Variants in COL5A2 observed in about 807,000 individuals in gnomAD.
COL5A2 encodes the protein collagen type V alpha 2 chain.
In COL5A2, 23 loss-of-function variants were observed where a neutral mutation model predicts 208.2. The ratio of observed to expected loss-of-function variants is 0.11; its 90% CI spans 0.08 to 0.16. The LOEUF (loss-of-function observed/expected upper bound fraction) is 0.16, where lower values mean the gene tolerates loss of function less well. Ranked by LOEUF, COL5A2 falls within the 10% of genes least tolerant of loss-of-function variation. The pLI, the probability that COL5A2 is intolerant of heterozygous loss-of-function variation, is 1.00. For missense variants in COL5A2, 1,590 were observed against 1,956.4 expected, an observed-to-expected ratio of 0.81 and a Z score of 3.53; for synonymous variants, 625 against 628.5, an observed-to-expected ratio of 0.99 and a Z score of 0.08.
intron 12 of COL5A2, among the ~76,000 whole-genome samples, chr2:189,083,745 T>C (rs533798905): frequency 2.6e-5 from 4 of 152,270 alleles, no homozygotes; most frequent in Admixed American, 2.6e-4. Flanking sequence ...ATTCATGTTA[T>C]GTTCAATATA....
chr2:189,374,398 C>A, the COL5A2 span, among the ~76,000 whole-genome samples: 1 of 151,276 alleles, frequency 6.6e-6, no homozygotes. Context: ...TTTGAGATCA[C>A]TATTAACAAC....
intron 1 of COL5A2, among the ~76,000 whole-genome samples, chr2:189,147,083 A>T (rs1041146519): frequency 5.9e-5 from 9 of 152,210 alleles, no homozygotes; most frequent in Admixed American, 3.3e-4. Context: ...AAATTGTATT[A>T]TTGGGGTAAT....
At chr2:189,301,373 T>C in the COL5A2 span, among the ~76,000 whole-genome samples, 1 of 152,212 alleles carries the variant, frequency 6.6e-6, no homozygotes. Flanking sequence ...TAAAATAATG[T>C]ATTATCTGCT....
At chr2:189,097,637 T>C in intron 5 of COL5A2, 1 of 550,276 alleles carries the variant, frequency 1.8e-6, no homozygotes, top group Non-Finnish European at 3.5e-6. Context: ...ATATTTGCTG[T>C]CTTCTCCCAG....
chr2:189,150,934 G>A lies in COL5A2; in HGVS notation c.97+28574C>T, dbSNP rs114741479. On this transcript the variant is annotated intron_variant, in intron 1 of 53. Transcript: ENST00000374866. ...CCATTGTATTCTCAGTTAGGTCAAA[G>A]GTTAAAAAAGATTTTCCACAGGGAA... Among the ~76,000 whole-genome samples, 926 of 152,142 alleles carry A rather than the reference G, an allele frequency of 6.1e-3. 13 individuals carry two copies. Among genetic ancestry groups the A allele is most frequent in the African/African-American group, 0.02 (816 of 41,526 alleles).
the COL5A2 span, among the ~76,000 whole-genome samples, chr2:189,422,002 G>T: frequency 6.6e-6 from 1 of 152,120 alleles, no homozygotes; most frequent in Non-Finnish European, 1.5e-5. Context: ...CAGATGATCT[G>T]CCCAGAATCT....
At chr2:189,110,634 T>C (rs1208945660) in intron 1 of COL5A2, among the ~76,000 whole-genome samples, 185 bp from the exon 2 acceptor site, 1 of 152,198 alleles carries the variant, frequency 6.6e-6, no homozygotes, top group Non-Finnish European at 1.5e-5. Flanking sequence ...GAAATAATGA[T>C]AATGTATCCT....
At chr2:189,164,238 C>T (rs1249332228) in intron 1 of COL5A2, among the ~76,000 whole-genome samples, 1 of 152,148 alleles carries the variant, frequency 6.6e-6, no homozygotes, top group Non-Finnish European at 1.5e-5. Flanking sequence ...GACAAGCTTC[C>T]TGATGCGAGA....
chr2:189,133,114 C>CTTTTTTT (rs751457732), intron 1 of COL5A2: 4 of 63,428 alleles, frequency 6.3e-5, no homozygotes, highest in African/African-American at 1.5e-4. Flanking sequence ...CCAAGTACGA[C>CTTTTTTT]TTTTTTTTTT....
upstream of COL5A2, among the ~76,000 whole-genome samples, chr2:189,181,506 G>C (rs541989498): frequency 6.6e-6 from 1 of 151,972 alleles, no homozygotes; most frequent in East Asian, 1.9e-4. Context: ...AGTAAATGTG[G>C]GGGGGAGGAA....
intron 6 of COL5A2, chr2:189,096,292 T>C (rs1406341966): frequency 1.3e-5 from 2 of 152,130 alleles, no homozygotes; most frequent in East Asian, 3.9e-4. Flanking sequence ...CAAACAAAAT[T>C]TTCTAATTGA....
At chr2:189,373,220 T>C in the COL5A2 span, among the ~76,000 whole-genome samples, 3 of 152,136 alleles carry the variant, frequency 2.0e-5, no homozygotes, top group Non-Finnish European at 4.4e-5. Context: ...ATATGACTCT[T>C]GTAATTTTTA....
At chr2:189,163,589 C>T (rs1440759439) in intron 1 of COL5A2, among the ~76,000 whole-genome samples, 1 of 152,240 alleles carries the variant, frequency 6.6e-6, no homozygotes, top group East Asian at 1.9e-4. Flanking sequence ...TATTTAGGGA[C>T]ATAACTACAA....
chr2:189,060,810 T>G (rs1686012358), intron 30 of COL5A2, 27 bp from the exon 31 acceptor site: 2 of 1,588,612 alleles, frequency 1.3e-6, no homozygotes, highest in South Asian at 2.2e-5. Context: ...AAAATAAAAT[T>G]GTGAATCTGT....
rs560925189 is a variant in COL5A2 at position 189,070,083 on chromosome 2, C to T, written c.1159-1199G>A. On this transcript the variant is annotated intron_variant, in intron 18 of 53. Transcript: ENST00000374866. ...GAGTCCAGCTGGCAAATAAAAATGC[C>T]TAGTTGAGTTTTCATTCATATAAAC... is the stretch of plus-strand genomic sequence containing the variant. Among the ~76,000 whole-genome samples the T allele has an allele frequency of 5.3e-5, 8 of 152,252 alleles. No homozygotes were observed. In the South Asian group the frequency reaches 1.7e-3, roughly 32 times the overall value.
the COL5A2 span, chr2:189,311,880 CT>C: frequency 8.7e-7 from 1 of 1,145,062 alleles, no homozygotes; most frequent in Non-Finnish European, 1.3e-6. Context: ...AGGCCTTTTA[CT>C]TCCTCTTTGT....
chr2:189,083,521 C>T (rs918639607), intron 12 of COL5A2, among the ~76,000 whole-genome samples: 4 of 151,886 alleles, frequency 2.6e-5, no homozygotes, highest in South Asian at 4.1e-4. Flanking sequence ...TTTACTGTCT[C>T]TAGTTGATAA....
intron 1 of COL5A2, among the ~76,000 whole-genome samples, chr2:189,176,186 T>C (rs765569940): frequency 2.6e-5 from 4 of 152,142 alleles, no homozygotes; most frequent in Admixed American, 6.5e-5. Flanking sequence ...AATCAAAAGT[T>C]AGCTTGGGTC....
chr2:189,347,257 A>G, the COL5A2 span, among the ~76,000 whole-genome samples: 1 of 152,344 alleles, frequency 6.6e-6, no homozygotes, highest in East Asian at 1.9e-4. Flanking sequence ...AAAAATTAAC[A>G]TTGAAGAAAG....
Sources: allele counts gnomAD v4.1 joint callset (sites outside exome capture counted in the v4.1 genomes callset), GRCh38; gene constraint gnomAD v4.1.1; transcripts MANE v1.5; gene names NCBI Gene and HGNC (gene_info 2026-07-23, HGNC 2026-07-21).